Variants in SUCLG2 observed in about 807,000 individuals in gnomAD.
SUCLG2 encodes the protein succinate-CoA ligase GDP-forming subunit beta, also known as succinate--CoA ligase [GDP-forming] subunit beta, mitochondrial.
In SUCLG2, 42 loss-of-function variants were observed where a neutral mutation model predicts 47.9. That is an observed-to-expected ratio of 0.88 (90% CI 0.69 to 1.14). SUCLG2 has a LOEUF of 1.14. Ranked by LOEUF, SUCLG2 falls within the 50% of genes most tolerant of loss-of-function variation. The probability of loss-of-function intolerance (pLI) is 0.00; values close to 1 mark genes in which losing one functional copy is unlikely to be tolerated. For synonymous variants in SUCLG2, 195 were observed against 197.3 expected (o/e 0.99, Z 0.10); for missense variants, 571 against 525.9 (o/e 1.09, Z -0.84).
intron 9 of SUCLG2, among the ~76,000 whole-genome samples, chr3:67,491,798 C>A (rs1480119222): frequency 1.3e-5 from 2 of 152,142 alleles, no homozygotes; most frequent in African/African-American, 2.4e-5. Context: ...TTAAATGATA[C>A]TGTCATATGA....
chr3:67,401,426 T>C (rs1279207300), intron 9 of SUCLG2, among the ~76,000 whole-genome samples: 1 of 152,052 alleles, frequency 6.6e-6, no homozygotes, highest in Non-Finnish European at 1.5e-5. Context: ...AAAAAGACTC[T>C]CGAAATAAAG....
chr3:67,580,296 G>A (rs966673862), intron 2 of SUCLG2, among the ~76,000 whole-genome samples: 1 of 151,900 alleles, frequency 6.6e-6, no homozygotes, highest in Non-Finnish European at 1.5e-5. Context: ...GCCATGTTTC[G>A]TGGCTGTGTG....
intron 1 of SUCLG2, among the ~76,000 whole-genome samples, chr3:67,647,204 C>T (rs959338582): frequency 6.6e-6 from 1 of 152,184 alleles, no homozygotes; most frequent in Non-Finnish European, 1.5e-5. Flanking sequence ...TTACACAAAC[C>T]ATGCCTTGTG....
chr3:67,412,509 A>G (rs982198570), intron 9 of SUCLG2, among the ~76,000 whole-genome samples: 1 of 152,118 alleles, frequency 6.6e-6, no homozygotes, highest in Non-Finnish European at 1.5e-5. Flanking sequence ...TGGGAGGCTG[A>G]CTAGAGAGAA....
At chr3:67,406,933 C>G (rs751933530) in intron 9 of SUCLG2, among the ~76,000 whole-genome samples, 1 of 152,154 alleles carries the variant, frequency 6.6e-6, no homozygotes, top group Non-Finnish European at 1.5e-5. Context: ...ACAGTTCAAA[C>G]CAACACTGTT....
At chr3:67,443,051 G>T (rs1703811364) in intron 9 of SUCLG2, among the ~76,000 whole-genome samples, 1 of 152,114 alleles carries the variant, frequency 6.6e-6, no homozygotes, top group African/African-American at 2.4e-5. Flanking sequence ...ACTTTCTTTG[G>T]TCATACTCCA....
chr3:67,630,117 G>A lies in SUCLG2; in HGVS notation c.85-20521C>T, dbSNP rs373257485. Among the ~76,000 whole-genome samples, 5 of 151,786 alleles carry A rather than the reference G, an allele frequency of 3.3e-5. No homozygotes were observed. The South Asian group carries it at 1.0e-3, about 32-fold the overall frequency. ...ATGTATTATGAGGATACAAGGTACT[G>A]TACACTCTATTTACGATAAAGGAAT... On this transcript the variant is annotated intron_variant, in intron 1 of 10. Transcript: ENST00000307227.
chr3:67,429,771 G>C lies in SUCLG2; in HGVS notation c.1063-28920C>G, dbSNP rs558311737. On this transcript the variant is annotated intron_variant, in intron 9 of 10. Coordinates refer to ENST00000307227, the MANE Select transcript of SUCLG2 (RefSeq NM_003848.4). ...TGGAGGAAGATCTACCAAGCAAATG[G>C]AAAACAAAAAAAAGAAGGGGTTGCA... is the stretch of plus-strand genomic sequence containing the variant. 3.7e-4 allele frequency among the ~76,000 whole-genome samples: 56 copies of C among 151,366 alleles called. No homozygotes were observed. The South Asian group carries it at 7.1e-3, about 19-fold the overall frequency.
chr3:67,526,040 T>C (rs933098865), intron 4 of SUCLG2, among the ~76,000 whole-genome samples: 2 of 152,200 alleles, frequency 1.3e-5, no homozygotes, highest in Admixed American at 1.3e-4. Context: ...AAATATATTG[T>C]TTCACAGTTC....
chr3:67,469,694 A>C (rs11127623), intron 9 of SUCLG2, among the ~76,000 whole-genome samples: 86,441 of 151,462 alleles, frequency 0.57, 25,752 homozygotes, highest in Middle Eastern at 0.68. Flanking sequence ...GTACCACTGC[A>C]CTCCAGCCTG....
intron 9 of SUCLG2, among the ~76,000 whole-genome samples, chr3:67,442,724 AT>A (rs1703803156): frequency 6.6e-6 from 1 of 152,216 alleles, no homozygotes. Flanking sequence ...AACTGAATGC[AT>A]TTTTTAATCA....
chr3:67,488,255 T>C (rs1345570643), intron 9 of SUCLG2, among the ~76,000 whole-genome samples: 1 of 152,126 alleles, frequency 6.6e-6, no homozygotes, highest in Non-Finnish European at 1.5e-5. Flanking sequence ...CAAAAGACTA[T>C]TTAGCAAACT....
rs144200645 is a variant in SUCLG2 at position 67,390,594 on chromosome 3, C to A, written c.1183+10137G>T. The stretch of plus-strand genomic sequence containing the variant: ...AACAGCTACATATTTGGGGGAAATT[C>A]AGCCTTTGTAACCAATTGTTTCTGG... On this transcript the variant is annotated intron_variant, in intron 10 of 10. Coordinates refer to ENST00000307227, the MANE Select transcript of SUCLG2 (RefSeq NM_003848.4). Among the ~76,000 whole-genome samples the A allele has an allele frequency of 3.2e-4, 49 of 151,708 alleles. No homozygotes were observed. The East Asian group carries it at 9.5e-3, about 29-fold the overall frequency.
At chr3:67,639,635 A>G (rs1355735158) in intron 1 of SUCLG2, among the ~76,000 whole-genome samples, 1 of 152,096 alleles carries the variant, frequency 6.6e-6, no homozygotes, top group African/African-American at 2.4e-5. Flanking sequence ...CCCTAACTAC[A>G]ACTCTGAGGT....
chr3:67,562,457 T>C (rs1009676686), intron 2 of SUCLG2, among the ~76,000 whole-genome samples: 1 of 152,152 alleles, frequency 6.6e-6, no homozygotes, highest in Non-Finnish European at 1.5e-5. Context: ...TTTGTATTTT[T>C]AGTAGAGACA....
At chr3:67,407,349 TTGTTG>T (rs1314001293) in intron 9 of SUCLG2, among the ~76,000 whole-genome samples, 1 of 152,202 alleles carries the variant, frequency 6.6e-6, no homozygotes, top group Non-Finnish European at 1.5e-5. Context: ...TTGTCTTTCT[TTGTTG>T]TGTTATTTTC....
At chr3:67,632,522 TG>T (rs1179303893) in intron 1 of SUCLG2, among the ~76,000 whole-genome samples, 1 of 152,036 alleles carries the variant, frequency 6.6e-6, no homozygotes, top group Non-Finnish European at 1.5e-5. Flanking sequence ...ATGTGTCAGG[TG>T]GCATGCTTGA....
At chr3:67,435,593 A>G (rs1278541075) in intron 9 of SUCLG2, among the ~76,000 whole-genome samples, 1 of 152,214 alleles carries the variant, frequency 6.6e-6, no homozygotes, top group Non-Finnish European at 1.5e-5. Context: ...GATTAAAAAG[A>G]ATACACATTA....
At chr3:67,585,985 A>C (rs906797608) in intron 2 of SUCLG2, among the ~76,000 whole-genome samples, 17 of 46,854 alleles carry the variant, frequency 3.6e-4, no homozygotes, top group African/African-American at 7.4e-4. Flanking sequence ...AAAAAAAAAA[A>C]AAAAAACCAA....
Sources: allele counts gnomAD v4.1 joint callset (sites outside exome capture counted in the v4.1 genomes callset), GRCh38; gene constraint gnomAD v4.1.1; transcripts MANE v1.5; gene names NCBI Gene and HGNC (gene_info 2026-07-23, HGNC 2026-07-21).